Variants in ZDHHC14 observed in about 807,000 individuals in gnomAD.
ZDHHC14 encodes zDHHC palmitoyltransferase 14.
In ZDHHC14, 16 loss-of-function variants were observed where a neutral mutation model predicts 47.7. The ratio of observed to expected loss-of-function variants is 0.34; its 90% CI spans 0.23 to 0.51. ZDHHC14 has a LOEUF of 0.51. Among genes scored for constraint, ZDHHC14 ranks in the 20% least tolerant of loss-of-function variants. The pLI, the probability that ZDHHC14 is intolerant of heterozygous loss-of-function variation, is 0.97. For missense variants in ZDHHC14, 515 were observed against 662.5 expected, an observed-to-expected ratio of 0.78 and a Z score of 2.44; for synonymous variants, 293 against 278.9, an observed-to-expected ratio of 1.05 and a Z score of -0.50.
At chr6:157,389,451 T>C (rs963625476) in intron 1 of ZDHHC14, among the ~76,000 whole-genome samples, 2 of 152,236 alleles carry the variant, frequency 1.3e-5, no homozygotes, top group Admixed American at 6.5e-5. Context: ...AAATCTAACA[T>C]GGATGCAACA....
At chr6:157,649,419 C>T (rs991924648) in intron 7 of ZDHHC14, among the ~76,000 whole-genome samples, 2 of 152,240 alleles carry the variant, frequency 1.3e-5, no homozygotes, top group African/African-American at 4.8e-5. Flanking sequence ...CGGGCTGGCC[C>T]CAGGCAGATG....
intron 1 of ZDHHC14, among the ~76,000 whole-genome samples, chr6:157,474,607 A>G (rs1213318093): frequency 6.6e-6 from 1 of 152,184 alleles, no homozygotes; most frequent in Admixed American, 6.5e-5. Context: ...CAGTCATTCT[A>G]ACAAGTGTGA....
At chr6:157,405,074 C>T (rs1424075798) in intron 1 of ZDHHC14, among the ~76,000 whole-genome samples, 6 of 150,444 alleles carry the variant, frequency 4.0e-5, no homozygotes, top group Admixed American at 1.3e-4. Flanking sequence ...GGCTGAAGCT[C>T]CCGTTTTATT....
At chr6:157,413,692 C>A (rs1777915581) in intron 1 of ZDHHC14, among the ~76,000 whole-genome samples, 1 of 150,984 alleles carries the variant, frequency 6.6e-6, no homozygotes, top group African/African-American at 2.4e-5. Context: ...TCTAAAATGT[C>A]TTTTTTCCGT....
chr6:157,595,442 C>T (rs1377451070), intron 3 of ZDHHC14, among the ~76,000 whole-genome samples: 6 of 152,016 alleles, frequency 3.9e-5, no homozygotes, highest in South Asian at 4.2e-4. Flanking sequence ...CCACCTGCCT[C>T]GGCCTCCTGA....
chr6:157,652,736 G>A (rs1183913029), intron 7 of ZDHHC14, among the ~76,000 whole-genome samples: 3 of 152,188 alleles, frequency 2.0e-5, no homozygotes, highest in Admixed American at 6.5e-5. Context: ...ATATTGAGAC[G>A]GCCTGCCGGT....
intron 2 of ZDHHC14, among the ~76,000 whole-genome samples, chr6:157,567,469 C>A (rs1293039095): frequency 6.6e-6 from 1 of 152,126 alleles, no homozygotes; most frequent in Non-Finnish European, 1.5e-5. Context: ...GTTATGTGAC[C>A]TTCAACCTGG....
intron 1 of ZDHHC14, among the ~76,000 whole-genome samples, chr6:157,466,422 C>T (rs1385136732): frequency 6.6e-6 from 1 of 152,196 alleles, no homozygotes; most frequent in African/African-American, 2.4e-5. Flanking sequence ...GCTTGGCACA[C>T]AGGAGGCACT....
intron 1 of ZDHHC14, among the ~76,000 whole-genome samples, chr6:157,526,942 C>T (rs1781176270): frequency 6.6e-6 from 1 of 152,054 alleles, no homozygotes. Flanking sequence ...TGGATGGTGG[C>T]CGGGAGCACT....
At chr6:157,429,807 T>G (rs1778300261) in intron 1 of ZDHHC14, among the ~76,000 whole-genome samples, 1 of 152,106 alleles carries the variant, frequency 6.6e-6, no homozygotes, top group South Asian at 2.1e-4. Context: ...CTAAGTGATC[T>G]GGAAAGGGAG....
intron 1 of ZDHHC14, among the ~76,000 whole-genome samples, chr6:157,449,973 A>G (rs1054120398): frequency 6.6e-6 from 1 of 152,212 alleles, no homozygotes; most frequent in Non-Finnish European, 1.5e-5. Context: ...AACTGGGGAT[A>G]ATAATAATGT....
Position 157,642,420 on chromosome 6 carries a change from G to C in ZDHHC14, c.753-3317G>C, listed in dbSNP as rs369263010. Among the ~76,000 whole-genome samples, 8 of 152,332 alleles carry C rather than the reference G, an allele frequency of 5.3e-5. 1 individual carries two copies. The highest frequency in any genetic ancestry group is 1.9e-4 in the African/African-American group (8 of 41,568). On this transcript the variant is annotated intron_variant, in intron 5 of 8. Coordinates refer to ENST00000359775, the MANE Select transcript of ZDHHC14 (RefSeq NM_024630.3). The stretch of plus-strand genomic sequence containing the variant: ...CACAGAGCCTGCACTTCTGGGATTA[G>C]GCAGGAACTCGAGAGAAGGGTCTCT...
At chr6:157,399,328 GTGCCATTGTCTGT>G (rs551623881) in intron 1 of ZDHHC14, among the ~76,000 whole-genome samples, 65 of 152,284 alleles carry the variant, frequency 4.3e-4, no homozygotes, top group African/African-American at 1.4e-3. Flanking sequence ...GTAGATCCGG[GTGCCATTGTCTGT>G]TGCCAGGGCC....
rs368467563 is a variant in ZDHHC14, at chr6:157,619,892, GA to G, written c.566-8454del. The stretch of plus-strand genomic sequence containing the variant: ...TCTAATTGAACATTTTATCTGTGAA[GA>G]AATTTAGTCCCCATGTGGAAGTGCT... On this transcript the variant is annotated intron_variant, in intron 3 of 8. Coordinates refer to ENST00000359775, the MANE Select transcript of ZDHHC14 (RefSeq NM_024630.3). 8.1e-4 allele frequency among the ~76,000 whole-genome samples: 124 copies of G among 152,276 alleles called. 1 individual carries two copies. The highest frequency in any genetic ancestry group is 2.9e-3 in the African/African-American group (121 of 41,552).
rs1783981186 is a variant in ZDHHC14 at position 157,593,104 on chromosome 6, C to T, written c.523C>T (p.Pro175Ser). The T allele has an allele frequency of 6.2e-7, 1 of 1,613,940 alleles. No individual in the cohort carries two copies. Residue 175 changes from proline (P) to serine (S), a missense_variant, in exon 3 of 9, where the codon CCC becomes TCC. This residue lies in a region of ZDHHC14 where 229 missense variants were observed against 351.5 expected (regional missense o/e 0.65). Coordinates refer to ENST00000359775, the MANE Select transcript of ZDHHC14 (RefSeq NM_024630.3). ...KYCFTCKIFR[P>S]PRASHCSLCD... is the part of the protein sequence containing the mutation. Reference sequence around the variant, plus strand: ...CTGTTTCACCTGCAAGATTTTCCGGCCCCCTCGCGCCTCCCATTGCAGCCT... The same window carrying T: ...CTGTTTCACCTGCAAGATTTTCCGGTCCCCTCGCGCCTCCCATTGCAGCCT...
chr6:157,580,992 A>G (rs922688769), intron 2 of ZDHHC14, among the ~76,000 whole-genome samples: 6 of 151,704 alleles, frequency 4.0e-5, no homozygotes, highest in African/African-American at 1.5e-4. Flanking sequence ...TTGCTTCTCT[A>G]ATTCCTCTAG....
chr6:157,466,378 C>T (rs1779217052), intron 1 of ZDHHC14, among the ~76,000 whole-genome samples: 1 of 152,224 alleles, frequency 6.6e-6, no homozygotes, highest in Non-Finnish European at 1.5e-5. Context: ...ACCTGCGTCC[C>T]TGGCCATTGT....
intron 1 of ZDHHC14, among the ~76,000 whole-genome samples, chr6:157,487,863 C>G (rs1420711189): frequency 1.3e-5 from 2 of 152,172 alleles, no homozygotes; most frequent in Admixed American, 6.5e-5. Flanking sequence ...CCAGGCAGGT[C>G]CCCCGGAGCT....
At chr6:157,515,279 A>G (rs1379429636) in intron 1 of ZDHHC14, among the ~76,000 whole-genome samples, 1 of 152,074 alleles carries the variant, frequency 6.6e-6, no homozygotes, top group Non-Finnish European at 1.5e-5. Flanking sequence ...AGGAATGAAC[A>G]CTGCAAAATT....
Sources: gnomAD v4.1 joint callset for allele counts (sites outside exome capture counted in the v4.1 genomes callset) on GRCh38, gnomAD v4.1.1 for gene constraint, gnomAD v4.1.1 regional missense constraint, MANE v1.5 for transcripts, NCBI Gene and HGNC (gene_info 2026-07-23, HGNC 2026-07-21) for gene names.